Variants in HECTD2 observed in about 807,000 individuals in gnomAD.
HECTD2 encodes HECT domain E3 ubiquitin protein ligase 2, also known as probable E3 ubiquitin-protein ligase HECTD2.
In HECTD2, 35 loss-of-function variants were observed where a neutral mutation model predicts 103.2. The observed-to-expected ratio is 0.34, with a 90% CI of 0.26 to 0.45. The LOEUF is 0.45. Ranked by LOEUF, HECTD2 falls within the 20% of genes least tolerant of loss-of-function variation. The probability of loss-of-function intolerance (pLI) is 1.00; values close to 1 mark genes in which losing one functional copy is unlikely to be tolerated. For missense variants in HECTD2, 596 were observed against 937.4 expected (o/e 0.64, Z 4.76); for synonymous variants, 281 against 329.9 (o/e 0.85, Z 1.61).
intron 2 of HECTD2, among the ~76,000 whole-genome samples, chr10:91,438,591 C>T (rs1844241751): frequency 6.6e-6 from 1 of 151,504 alleles, no homozygotes; most frequent in African/African-American, 2.4e-5. Flanking sequence ...GGGTATATAC[C>T]CATTAATGGG....
intron 7 of HECTD2, among the ~76,000 whole-genome samples, chr10:91,482,575 C>T (rs1846132140): frequency 6.6e-6 from 1 of 151,856 alleles, no homozygotes; most frequent in African/African-American, 2.4e-5. Context: ...TGATTGGTAC[C>T]ATTTATGAAG....
chr10:91,421,845 G>A (rs1042448366), intron 1 of HECTD2, among the ~76,000 whole-genome samples: 2 of 152,026 alleles, frequency 1.3e-5, no homozygotes, highest in Non-Finnish European at 2.9e-5. Context: ...ATTTTACATT[G>A]TTTATTTCAC....
At chr10:91,461,459 A>G in intron 4 of HECTD2, 103 bp downstream of exon 4, 1 of 566,006 alleles carries the variant, frequency 1.8e-6, no homozygotes, top group Non-Finnish European at 3.1e-6. Context: ...TTAAACATGC[A>G]TATATTATGT....
chr10:91,511,855 G>A (rs1267854401), intron 20 of HECTD2, among the ~76,000 whole-genome samples: 1 of 152,116 alleles, frequency 6.6e-6, no homozygotes, highest in Admixed American at 6.5e-5. Context: ...TAAACAACCT[G>A]ATTAGGTTAT....
At chr10:91,461,129 T>C (rs1234291980) in intron 3 of HECTD2, 125 bp from the exon 4 acceptor site, 9 of 505,310 alleles carry the variant, frequency 1.8e-5, no homozygotes, top group Non-Finnish European at 2.8e-5. Context: ...CTATATTAAC[T>C]GGGACATATT....
At chr10:91,458,267 G>T (rs747463483) in intron 2 of HECTD2, among the ~76,000 whole-genome samples, 2 of 151,912 alleles carry the variant, frequency 1.3e-5, no homozygotes, top group Non-Finnish European at 2.9e-5. Context: ...CCATGCTGGT[G>T]AAAGAAATTA....
intron 2 of HECTD2, among the ~76,000 whole-genome samples, chr10:91,430,257 T>C (rs1450955518): frequency 6.6e-6 from 1 of 152,202 alleles, no homozygotes; most frequent in Non-Finnish European, 1.5e-5. Context: ...TTTGTTATAA[T>C]TTCTGTTCTT....
intron 1 of HECTD2, among the ~76,000 whole-genome samples, chr10:91,420,949 G>A (rs1843333890): frequency 6.6e-6 from 1 of 152,178 alleles, no homozygotes. Flanking sequence ...GGGACCATGA[G>A]TGGGGCAATT....
chr10:91,412,003 T>TC (rs1186283761), intron 1 of HECTD2, among the ~76,000 whole-genome samples: 1 of 136,630 alleles, frequency 7.3e-6, no homozygotes, highest in Non-Finnish European at 1.5e-5. Context: ...AACCTATTCA[T>TC]CTCATAACTG....
chr10:91,461,536 G>GT (rs1239206381), intron 4 of HECTD2, among the ~76,000 whole-genome samples, 180 bp downstream of exon 4: 2 of 151,754 alleles, frequency 1.3e-5, no homozygotes, highest in African/African-American at 2.4e-5. Flanking sequence ...AAGTATATGG[G>GT]TTTTTTGAGG....
intron 5 of HECTD2, among the ~76,000 whole-genome samples, chr10:91,473,424 C>A (rs74149234): frequency 0.02 from 3,094 of 152,192 alleles, 99 homozygotes; most frequent in African/African-American, 0.071. Flanking sequence ...GCCTTTACCA[C>A]CAACAGACGT....
chr10:91,435,587 C>A (rs1366124829), intron 2 of HECTD2, among the ~76,000 whole-genome samples: 1 of 151,998 alleles, frequency 6.6e-6, no homozygotes, highest in Non-Finnish European at 1.5e-5. Flanking sequence ...GCAGCTGCCA[C>A]CTCAGGCCGC....
At chr10:91,443,686 G>A (rs895317853) in intron 2 of HECTD2, among the ~76,000 whole-genome samples, 9 of 152,044 alleles carry the variant, frequency 5.9e-5, no homozygotes, top group Non-Finnish European at 1.0e-4. Flanking sequence ...ACAAACAGTC[G>A]CCCCTTCCCC....
intron 6 of HECTD2, among the ~76,000 whole-genome samples, chr10:91,479,492 T>A (rs761895095): frequency 2.6e-5 from 4 of 152,218 alleles, no homozygotes; most frequent in Non-Finnish European, 5.9e-5. Flanking sequence ...ATCTTTTTCT[T>A]AGTTTATTAC....
chr10:91,509,640 G>A (rs757244293), intron 20 of HECTD2, among the ~76,000 whole-genome samples: 1 of 152,092 alleles, frequency 6.6e-6, no homozygotes, highest in South Asian at 2.1e-4. Context: ...CATGGATGAA[G>A]CTAGAGGCTC....
rs1293968963 is a variant in HECTD2, at chr10:91,514,536, C to CTGTT, written c.*2153_*2156dup. On this transcript the variant is annotated 3_prime_UTR_variant, in exon 21 of 21. Coordinates refer to ENST00000298068, the MANE Select transcript of HECTD2 (RefSeq NM_182765.6). ...TAGTTACTTTTTTTACATATATAATCTGTTAATGAATTATTGATTTTTGTA... is the reference window on the plus strand; with the variant it reads ...TAGTTACTTTTTTTACATATATAATCTGTTTGTTAATGAATTATTGATTTTTGTA... The CTGTT allele has an allele frequency of 6.6e-6, 1 of 152,486 alleles. No individual in the cohort carries two copies. Among genetic ancestry groups the CTGTT allele is most frequent in the Non-Finnish European group, 1.5e-5 (1 of 67,996 alleles). The allele number at this position is 152,486 out of a possible 1,614,324, so 9.4% of individuals were successfully genotyped here.
intron 5 of HECTD2, among the ~76,000 whole-genome samples, chr10:91,475,491 G>T (rs1845868636): frequency 6.6e-6 from 1 of 152,172 alleles, no homozygotes; most frequent in African/African-American, 2.4e-5. Flanking sequence ...TTTGGACAGA[G>T]AATTGACCAT....
In HECTD2 at chr10:91,478,195, C is replaced by G. The variant is rs776326489; in HGVS notation, c.601-6C>G. Reference sequence around the variant, plus strand: ...TAATTACCTTACTGTTTTCTTTTGCCTACAGCCTCAAGACGTTCAGAAGAC... The same window carrying G: ...TAATTACCTTACTGTTTTCTTTTGCGTACAGCCTCAAGACGTTCAGAAGAC... On this transcript the variant is annotated splice_region_variant and splice_polypyrimidine_tract_variant and intron_variant, in intron 5 of 20. Transcript: ENST00000298068. 1.2e-6 allele frequency: 2 copies of G among 1,600,200 alleles called. No individual in the cohort carries two copies. The highest frequency in any genetic ancestry group is 1.7e-6 in the Non-Finnish European group (2 of 1,168,334).
chr10:91,415,612 C>G (rs1294835795), intron 1 of HECTD2, among the ~76,000 whole-genome samples: 1 of 152,120 alleles, frequency 6.6e-6, no homozygotes. Flanking sequence ...ACAGTGGTTG[C>G]TTTATAACAG....
Sources: gnomAD v4.1 joint callset for allele counts (sites outside exome capture counted in the v4.1 genomes callset) on GRCh38, gnomAD v4.1.1 for gene constraint, MANE v1.5 for transcripts, NCBI Gene and HGNC (gene_info 2026-07-23, HGNC 2026-07-21) for gene names.